Variants in GMDS observed in about 807,000 individuals in gnomAD.
The protein encoded by GMDS is GDP-mannose 4,6-dehydratase.
Under a neutral mutation model 49.9 loss-of-function variants are expected in GMDS, and 20 were observed. The ratio of observed to expected loss-of-function variants is 0.40; its 90% confidence interval spans 0.28 to 0.58. GMDS has a LOEUF of 0.58. Among genes scored for constraint, GMDS ranks in the 20% least tolerant of loss-of-function variants. The probability of loss-of-function intolerance (pLI) is 0.42; values close to 1 mark genes in which losing one functional copy is unlikely to be tolerated. For synonymous variants in GMDS, 177 were observed against 178.6 expected (o/e 0.99, Z 0.07); for missense variants, 362 against 481.4 (o/e 0.75, Z 2.32).
At chr6:2,079,061 A>G (rs1012766841) in intron 4 of GMDS, among the ~76,000 whole-genome samples, 2 of 87,478 alleles carry the variant, frequency 2.3e-5, no homozygotes, top group Non-Finnish European at 5.2e-5. Context: ...GTTTGACTTA[A>G]AGTCTGTTTT....
chr6:1,916,929 A>C (rs531028562), intron 7 of GMDS, among the ~76,000 whole-genome samples: 33 of 151,970 alleles, frequency 2.2e-4, no homozygotes, highest in African/African-American at 6.5e-4. Flanking sequence ...ACTTCTGTTA[A>C]ACTTGTATTT....
At chr6:2,095,310 A>G (rs953485416) in intron 4 of GMDS, among the ~76,000 whole-genome samples, 7 of 152,202 alleles carry the variant, frequency 4.6e-5, no homozygotes, top group Non-Finnish European at 8.8e-5. Context: ...AGTTAAACAT[A>G]GAAAGTAACT....
chr6:1,705,843 A>G (rs551924456), intron 9 of GMDS, among the ~76,000 whole-genome samples: 5 of 152,278 alleles, frequency 3.3e-5, no homozygotes, highest in African/African-American at 9.6e-5. Context: ...AATGACCATC[A>G]AGTTGCAGTC....
Position 2,245,414 on chromosome 6 carries a change from G to GT in GMDS, c.8dup (p.His3GlnfsTer39), listed in dbSNP as rs1384879419. The stretch of plus-strand genomic sequence containing the variant: ...GGGCGCTGGGGCAGCGTGCCGGTGC[G>GT]TGTGCCATGTCCCGCGGCGGGCGTG... On this transcript the variant is annotated frameshift_variant, in exon 1 of 11. Transcript: ENST00000380815. LOFTEE classifies it high-confidence loss of function. 1 of 1,517,902 alleles carries GT rather than the reference G, an allele frequency of 6.6e-7. No individual in the cohort carries two copies. The highest frequency in any genetic ancestry group is 8.8e-7 in the Non-Finnish European group (1 of 1,137,798). The allele number at this position is 1,517,902 out of a possible 1,614,324, so 94.0% of individuals were successfully genotyped here. A position where few individuals can be genotyped will look rare whatever the true frequency, so the allele number is the denominator to read the frequency against.
chr6:1,643,006 T>C (rs1383445653), intron 9 of GMDS, among the ~76,000 whole-genome samples: 4 of 152,146 alleles, frequency 2.6e-5, no homozygotes, highest in Non-Finnish European at 5.9e-5. Flanking sequence ...AACCACATCA[T>C]GAGGGATCTG....
chr6:1,869,629 C>A (rs1758620206), intron 7 of GMDS, among the ~76,000 whole-genome samples: 1 of 152,178 alleles, frequency 6.6e-6, no homozygotes, highest in South Asian at 2.1e-4. Context: ...TAATGAAAAA[C>A]CTGCGACCAT....
intron 9 of GMDS, among the ~76,000 whole-genome samples, chr6:1,630,829 G>A (rs570397141): frequency 6.6e-6 from 1 of 152,238 alleles, no homozygotes; most frequent in East Asian, 1.9e-4. Flanking sequence ...TGTAACTAGA[G>A]CCCTCTTGGT....
intron 7 of GMDS, among the ~76,000 whole-genome samples, chr6:1,832,746 G>T (rs1033221222): frequency 1.3e-5 from 2 of 152,100 alleles, no homozygotes; most frequent in Non-Finnish European, 2.9e-5. Context: ...AAGTGAGGCC[G>T]ACACATTTCA....
intron 4 of GMDS, among the ~76,000 whole-genome samples, chr6:2,010,781 A>G (rs1767511261): frequency 1.3e-5 from 2 of 152,202 alleles, no homozygotes; most frequent in South Asian, 4.1e-4. Context: ...TAAAGTCAAA[A>G]TAATAAAAAT....
At chr6:1,932,444 A>C (rs17772897) in intron 6 of GMDS, among the ~76,000 whole-genome samples, 20,226 of 152,026 alleles carry the variant, frequency 0.13, 1,459 homozygotes, top group South Asian at 0.17. Flanking sequence ...TATTACCAGA[A>C]CTTTCATGTC....
At chr6:1,926,571 T>C (rs1762018326) in intron 7 of GMDS, among the ~76,000 whole-genome samples, 1 of 152,236 alleles carries the variant, frequency 6.6e-6, no homozygotes, top group Non-Finnish European at 1.5e-5. Context: ...TAAAGTTGAT[T>C]TCAGTGTCAG....
intron 1 of GMDS, among the ~76,000 whole-genome samples, chr6:2,129,582 T>C (rs1775626730): frequency 6.6e-6 from 1 of 152,136 alleles, no homozygotes; most frequent in South Asian, 2.1e-4. Flanking sequence ...CATCAGGAAA[T>C]AGAATAACCC....
intron 4 of GMDS, among the ~76,000 whole-genome samples, chr6:2,076,990 G>C (rs1318691658): frequency 6.6e-6 from 1 of 152,046 alleles, no homozygotes; most frequent in Non-Finnish European, 1.5e-5. Context: ...ATCTTTTGTA[G>C]TTTGCTTTGT....
At chr6:1,781,190 G>C (rs1341333513) in intron 7 of GMDS, among the ~76,000 whole-genome samples, 2 of 152,060 alleles carry the variant, frequency 1.3e-5, no homozygotes, top group Non-Finnish European at 2.9e-5. Context: ...AGGGAACCAA[G>C]GCAGGCCTCA....
chr6:2,190,377 A>G (rs1404083001), intron 1 of GMDS, among the ~76,000 whole-genome samples: 1 of 152,214 alleles, frequency 6.6e-6, no homozygotes, highest in East Asian at 1.9e-4. Flanking sequence ...TTCACATAAA[A>G]TTTCTCATTT....
chr6:2,218,079 C>T (rs749647650), intron 1 of GMDS, among the ~76,000 whole-genome samples: 7 of 152,166 alleles, frequency 4.6e-5, no homozygotes, highest in African/African-American at 9.7e-5. Context: ...CCCTAAGCCC[C>T]AAAACGCCTT....
chr6:1,728,916 T>C (rs1210656224), intron 8 of GMDS, among the ~76,000 whole-genome samples: 1 of 151,322 alleles, frequency 6.6e-6, no homozygotes. Context: ...GCTTTAAGAC[T>C]GTAAAACCTG....
chr6:1,934,858 G>A (rs1762450630), intron 6 of GMDS, among the ~76,000 whole-genome samples: 1 of 152,124 alleles, frequency 6.6e-6, no homozygotes, highest in Non-Finnish European at 1.5e-5. Context: ...TATCCCAAGT[G>A]AGAGGTGAAG....
chr6:1,706,781 C>T (rs1045155776), intron 9 of GMDS, among the ~76,000 whole-genome samples: 3 of 152,160 alleles, frequency 2.0e-5, no homozygotes, highest in Non-Finnish European at 4.4e-5. Flanking sequence ...TCATTTTATC[C>T]CAGACACTTC....
Sources: allele counts gnomAD v4.1 joint callset (sites outside exome capture counted in the v4.1 genomes callset), GRCh38; gene constraint gnomAD v4.1.1; transcripts MANE v1.5; gene names NCBI Gene and HGNC (gene_info 2026-07-23, HGNC 2026-07-21).